The following POM121C variants were observed in gnomAD, a reference collection of about 807,000 sequenced individuals.
POM121C encodes the protein POM121 transmembrane nucleoporin C.
In POM121C, 20 loss-of-function variants were observed where a neutral mutation model predicts 66.4. The observed-to-expected ratio is 0.30, with a 90% CI of 0.21 to 0.44. POM121C has a LOEUF of 0.44. POM121C is among the 20% of genes least tolerant of loss of function. The pLI is 1.00. For synonymous variants in POM121C, 286 were observed against 528.0 expected (o/e 0.54, Z 6.28); for missense variants, 580 against 1,225.7 (o/e 0.47, Z 7.87).
intron 7 of POM121C, among the ~76,000 whole-genome samples, chr7:75,432,842 G>A (rs1342529836): frequency 3.3e-5 from 5 of 152,170 alleles, no homozygotes; most frequent in Admixed American, 1.3e-4. Context: ...CCTACTGGAT[G>A]GAGACTCGGA....
intron 7 of POM121C, among the ~76,000 whole-genome samples, chr7:75,431,078 A>C: frequency 9.7e-6 from 1 of 102,940 alleles, no homozygotes; most frequent in African/African-American, 3.1e-5. Context: ...CTGTCTCAAA[A>C]AAAAAAAAAA....
chr7:75,482,942 C>T (rs587657990), intron 1 of POM121C, among the ~76,000 whole-genome samples: 3 of 152,208 alleles, frequency 2.0e-5, no homozygotes, highest in East Asian at 1.9e-4. Flanking sequence ...AAGGACAAAA[C>T]GAAAACACGG....
intron 7 of POM121C, among the ~76,000 whole-genome samples, chr7:75,429,438 C>T (rs1790082328): frequency 6.6e-6 from 1 of 152,152 alleles, no homozygotes; most frequent in Non-Finnish European, 1.5e-5. Context: ...TTGAGACCAG[C>T]CTGGCCAACA....
At chr7:75,453,284 A>C (rs1401721583) in intron 3 of POM121C, among the ~76,000 whole-genome samples, 1 of 151,502 alleles carries the variant, frequency 6.6e-6, no homozygotes, top group Middle Eastern at 3.2e-3. Flanking sequence ...TTAAAAAAAA[A>C]AAAAAAAAAA....
chr7:75,437,750 C>T (rs1175981040), intron 6 of POM121C, 64 bp from the exon 7 acceptor site: 5 of 1,505,072 alleles, frequency 3.3e-6, no homozygotes, highest in Admixed American at 2.1e-5. Context: ...ATTTCATCCA[C>T]GGTCATGACA....
chr7:75,434,820 C>G (rs1402288081), intron 7 of POM121C, among the ~76,000 whole-genome samples: 1 of 152,060 alleles, frequency 6.6e-6, no homozygotes, highest in African/African-American at 2.4e-5. Context: ...GGTGATCTGC[C>G]TGCCTCGGAC....
chr7:75,446,628 A>G (rs1488543929), intron 3 of POM121C, among the ~76,000 whole-genome samples: 1 of 152,034 alleles, frequency 6.6e-6, no homozygotes, highest in East Asian at 1.9e-4. Context: ...GACCCACCTA[A>G]TGAATCATCA....
At position 75,418,478 on chromosome 7, in the gene POM121C, C is replaced by T; in HGVS notation, c.*318G>A. On this transcript the variant is annotated 3_prime_UTR_variant, in exon 15 of 15. Coordinates refer to ENST00000615331, the MANE Select transcript of POM121C (RefSeq NM_001099415.3). Reference sequence around the variant, plus strand: ...TCTCGGGGAAAGGTGGAAGGGGCGCCTGCCTAAGGGTGCGCTAAGCGGGAG... The same window carrying T: ...TCTCGGGGAAAGGTGGAAGGGGCGCTTGCCTAAGGGTGCGCTAAGCGGGAG... 9.2e-7 allele frequency: 1 copy of T among 1,086,822 alleles called. No homozygotes were observed. The highest frequency in any genetic ancestry group is 1.1e-6 in the Non-Finnish European group (1 of 896,162). The allele number at this position is 1,086,822 out of a possible 1,614,324, so 67.3% of individuals were successfully genotyped here. A position where few individuals can be genotyped will look rare whatever the true frequency, so the allele number is the denominator to read the frequency against.
intron 3 of POM121C, among the ~76,000 whole-genome samples, chr7:75,452,678 C>G (rs1476246176): frequency 6.6e-6 from 1 of 152,078 alleles, no homozygotes; most frequent in African/African-American, 2.4e-5. Flanking sequence ...CCCCAACAAT[C>G]TAACATTACC....
chr7:75,478,209 C>T (rs1231481136), intron 1 of POM121C, among the ~76,000 whole-genome samples: 1 of 152,168 alleles, frequency 6.6e-6, no homozygotes, highest in Non-Finnish European at 1.5e-5. Flanking sequence ...TCGTGATCCG[C>T]CCACCTTAGC....
At chr7:75,420,610 T>G (rs1166418303) in intron 13 of POM121C, 1 of 152,172 alleles carries the variant, frequency 6.6e-6, no homozygotes, top group African/African-American at 2.4e-5. Context: ...AAAAGACCCC[T>G]TTTTTATACA....
intron 9 of POM121C, 38 bp downstream of exon 9, chr7:75,425,597 C>T (rs782129762): frequency 9.0e-6 from 14 of 1,562,578 alleles, no homozygotes; most frequent in South Asian, 1.2e-5. Context: ...ATACCTCCAC[C>T]ACCAACAGCA....
chr7:75,440,726 ATC>A, intron 5 of POM121C: 1 of 604,628 alleles, frequency 1.7e-6, no homozygotes, highest in Non-Finnish European at 2.9e-6. Context: ...CTGTCAGCTT[ATC>A]TCTGCTACTC....
rs1434684443 is a variant in POM121C at position 75,465,047 on chromosome 7, T to G, written c.-152+9657A>C. 1.7e-3 allele frequency among the ~76,000 whole-genome samples: 254 copies of G among 149,142 alleles called. 1 individual carries two copies. The highest frequency in any genetic ancestry group is 3.1e-3 in the Non-Finnish European group (208 of 67,350). On this transcript the variant is annotated intron_variant, in intron 3 of 14. Transcript: ENST00000615331. The stretch of plus-strand genomic sequence containing the variant: ...TTCACTCTTGTTGTCTAAGCTGGGG[T>G]GCAATGGCGTGATCTCAGCTCATTG...
intron 7 of POM121C, among the ~76,000 whole-genome samples, chr7:75,431,901 C>G (rs1172573210): frequency 6.6e-6 from 1 of 151,846 alleles, no homozygotes; most frequent in African/African-American, 2.4e-5. Flanking sequence ...GCAGTGAGTG[C>G]CAATACGGTG....
At chr7:75,472,596 G>A (rs1791920128) in intron 3 of POM121C, among the ~76,000 whole-genome samples, 2 of 151,998 alleles carry the variant, frequency 1.3e-5, no homozygotes, top group Non-Finnish European at 2.9e-5. Flanking sequence ...CACAAGGTCA[G>A]GAGTTAGAGA....
Position 75,437,422 on chromosome 7 carries a change from G to A in POM121C, c.480+93C>T. 3 of 1,485,260 alleles carry A rather than the reference G, an allele frequency of 2.0e-6. No homozygotes were observed. In the East Asian group the frequency reaches 6.9e-5, roughly 34 times the overall value. 92.0% of individuals were successfully genotyped at this position (1,485,260 alleles called of 1,614,324 possible). ...TCCCGCTTTGGCCTTCCAAAGTGCT[G>A]GGATTACATGGCTAAGCTACCATGT... On this transcript the variant is annotated intron_variant, in intron 7 of 14. Coordinates refer to ENST00000615331, the MANE Select transcript of POM121C (RefSeq NM_001099415.3).
chr7:75,446,964 C>T (rs1440809506), intron 3 of POM121C, among the ~76,000 whole-genome samples: 43 of 114,382 alleles, frequency 3.8e-4, no homozygotes, highest in Non-Finnish European at 3.9e-4. Context: ...GCCGATATGG[C>T]GCCACTGCAC....
chr7:75,430,440 T>C (rs587771223), intron 7 of POM121C, among the ~76,000 whole-genome samples: 2 of 152,194 alleles, frequency 1.3e-5, no homozygotes, highest in South Asian at 2.1e-4. Flanking sequence ...CTGAGAGAAA[T>C]GGGTATTTCT....
Sources: gnomAD v4.1 joint callset for allele counts (sites outside exome capture counted in the v4.1 genomes callset) on GRCh38, gnomAD v4.1.1 for gene constraint, MANE v1.5 for transcripts, NCBI Gene and HGNC (gene_info 2026-07-23, HGNC 2026-07-21) for gene names.